The following SP100 variants were observed in gnomAD, a reference collection of about 807,000 sequenced individuals.
SP100 encodes the protein nuclear autoantigen Sp-100.
SP100 carries 84 observed loss-of-function variants against 130.0 expected under a neutral mutation model. The ratio of observed to expected loss-of-function variants is 0.65; its 90% confidence interval spans 0.54 to 0.77. The LOEUF is 0.77. SP100 is among the 30% of genes least tolerant of loss of function. The probability of loss-of-function intolerance (pLI) is 0.00; values close to 1 mark genes in which losing one functional copy is unlikely to be tolerated. For synonymous variants in SP100, 331 were observed against 351.7 expected, an observed-to-expected ratio of 0.94 and a Z score of 0.66; for missense variants, 978 against 1,052.2, an observed-to-expected ratio of 0.93 and a Z score of 0.97.
intron 8 of SP100, among the ~76,000 whole-genome samples, chr2:230,452,958 G>T (rs2064084231): frequency 6.6e-6 from 1 of 151,780 alleles, no homozygotes; most frequent in African/African-American, 2.4e-5. Context: ...AATTGTTCTG[G>T]CTAGGACTTG....
At chr2:230,525,787 C>T (rs1691392809) in intron 24 of SP100, among the ~76,000 whole-genome samples, 1 of 152,256 alleles carries the variant, frequency 6.6e-6, no homozygotes, top group Admixed American at 6.5e-5. Flanking sequence ...CAGAGCCTTG[C>T]TCACTGCTAG....
At position 230,473,187 on chromosome 2, in the gene SP100, A is replaced by G. The variant is rs555657546; in HGVS notation, c.1430-137A>G. On this transcript the variant is annotated intron_variant, in intron 15 of 28. Transcript: ENST00000340126. ...GGGAAAAATACAGTGAGGAACCACA[A>G]AAGAAAAAGAGATTTCAGATGTAGA... The G allele has an allele frequency of 5.4e-5, 31 of 578,590 alleles. No homozygotes were observed. The East Asian group carries it at 7.6e-4, about 14-fold the overall frequency. The allele number at this position is 578,590 out of a possible 1,614,324, so 35.8% of individuals were successfully genotyped here.
At chr2:230,484,401 T>C (rs917517988) in intron 17 of SP100, among the ~76,000 whole-genome samples, 2 of 152,252 alleles carry the variant, frequency 1.3e-5, no homozygotes, top group Non-Finnish European at 2.9e-5. Context: ...GTGTGCCAAT[T>C]AGCTTTACTC....
intron 11 of SP100, 49 bp downstream of exon 11, chr2:230,464,199 A>C: frequency 8.9e-7 from 1 of 1,128,306 alleles, no homozygotes; most frequent in Non-Finnish European, 1.4e-6. Flanking sequence ...TCCAGAGTAC[A>C]AATCCAGAGC....
In SP100 at chr2:230,416,345, C is replaced by T. The variant is rs1409436402; in HGVS notation, c.32+17C>T. ...GAGCACCAGGTGAGTCTTTATCTCC[C>T]TTCCTTTAACCTTTATCTCTGGCTA... On this transcript the variant is annotated intron_variant, in intron 1 of 28. Coordinates refer to ENST00000340126, the MANE Select transcript of SP100 (RefSeq NM_001080391.2). 6.2e-7 allele frequency: 1 copy of T among 1,609,986 alleles called. No homozygotes were observed. The highest frequency in any genetic ancestry group is 8.5e-7 in the Non-Finnish European group (1 of 1,176,420).
intron 8 of SP100, among the ~76,000 whole-genome samples, chr2:230,458,967 T>G (rs997801125): frequency 2.6e-5 from 4 of 151,728 alleles, no homozygotes; most frequent in Non-Finnish European, 4.4e-5. Context: ...TGGCACGAGG[T>G]GAGGCAGGGA....
intron 24 of SP100, chr2:230,515,661 TTTC>T (rs1476044602): frequency 3.4e-5 from 54 of 1,586,772 alleles, no homozygotes; most frequent in Non-Finnish European, 4.6e-5. Flanking sequence ...GTGCAGTTTT[TTTC>T]TTGTCTATAA....
At chr2:230,421,348 G>C (rs114237457) in intron 2 of SP100, among the ~76,000 whole-genome samples, 303 of 152,206 alleles carry the variant, frequency 2.0e-3, no homozygotes, top group Non-Finnish European at 3.5e-3. Context: ...GTTCTGGTTA[G>C]TTTCAGCTTC....
chr2:230,467,790 T>C (rs1158720990), intron 13 of SP100, among the ~76,000 whole-genome samples: 1 of 152,236 alleles, frequency 6.6e-6, no homozygotes, highest in African/African-American at 2.4e-5. Context: ...GCCAGACCTA[T>C]TAACTCCAAA....
At chr2:230,541,470 G>A in intron 27 of SP100, 98 bp downstream of exon 27, 1 of 1,024,476 alleles carries the variant, frequency 9.8e-7, no homozygotes, top group South Asian at 1.4e-5. Flanking sequence ...GCTTGTTGAT[G>A]AGTTTTTAGT....
chr2:230,460,088 G>T (rs1386963204), intron 8 of SP100, among the ~76,000 whole-genome samples: 2 of 152,014 alleles, frequency 1.3e-5, no homozygotes, highest in East Asian at 3.9e-4. Context: ...AAACAGTTTG[G>T]GGTAATCTTC....
At chr2:230,496,329 T>G (rs1256493973) in intron 18 of SP100, among the ~76,000 whole-genome samples, 1 of 152,348 alleles carries the variant, frequency 6.6e-6, no homozygotes, top group South Asian at 2.1e-4. Context: ...TCTCATTTAA[T>G]ATTAAAAAGC....
At chr2:230,530,202 A>G (rs957047096) in intron 24 of SP100, among the ~76,000 whole-genome samples, 8 of 152,336 alleles carry the variant, frequency 5.3e-5, no homozygotes, top group Admixed American at 3.3e-4. Flanking sequence ...ACAGTAACCA[A>G]AACAGCATGG....
At chr2:230,461,700 G>T (rs1306909518) in intron 9 of SP100, among the ~76,000 whole-genome samples, 4 of 152,100 alleles carry the variant, frequency 2.6e-5, no homozygotes, top group African/African-American at 4.8e-5. Context: ...TGTAACCCCA[G>T]AACTTTGTGA....
At chr2:230,483,277 G>C (rs2065914956) in intron 17 of SP100, among the ~76,000 whole-genome samples, 1 of 152,152 alleles carries the variant, frequency 6.6e-6, no homozygotes, top group Non-Finnish European at 1.5e-5. Flanking sequence ...GGAGAGCCTT[G>C]CTAACAAGCT....
rs762248972 is a variant in SP100 at position 230,515,183 on chromosome 2, C to T, written c.2094+4017C>T. On this transcript the variant is annotated intron_variant, in intron 24 of 28. Transcript: ENST00000340126. ...TCAGAGACATGGAAGACCATTTTTG[C>T]TAAAGAGAAAGGAAAATTTGAAGAT... is the stretch of plus-strand genomic sequence containing the variant. 16 of 1,612,834 alleles carry T rather than the reference C, an allele frequency of 9.9e-6. No individual in the cohort carries two copies. In the African/African-American group the frequency reaches 1.6e-4, roughly 16 times the overall value.
intron 8 of SP100, among the ~76,000 whole-genome samples, chr2:230,453,598 A>T (rs944331688): frequency 6.6e-6 from 1 of 152,122 alleles, no homozygotes; most frequent in African/African-American, 2.4e-5. Context: ...TCATTCTATT[A>T]ATGTGGTGTA....
rs771614979 is a variant in SP100, at chr2:230,467,118, AG to A, written c.1196-1del. The stretch of plus-strand genomic sequence containing the variant: ...CCAAAGGACATTTGCTCCTTTCTGC[AG>A]TGATAGGACAAGACCACGACTTTTC... On this transcript the variant is annotated splice_acceptor_variant, in intron 12 of 28. Coordinates refer to ENST00000340126, the MANE Select transcript of SP100 (RefSeq NM_001080391.2). LOFTEE classifies it high-confidence loss of function. The A allele has an allele frequency of 6.2e-7, 1 of 1,608,870 alleles. No individual in the cohort carries two copies. Among genetic ancestry groups the A allele is most frequent in the South Asian group, 1.1e-5 (1 of 90,972 alleles).
chr2:230,423,161 G>A (rs1342545811), intron 2 of SP100, among the ~76,000 whole-genome samples: 1 of 152,184 alleles, frequency 6.6e-6, no homozygotes, highest in African/African-American at 2.4e-5. Flanking sequence ...GCAGATTAGT[G>A]AAGCTCTGGA....
Sources: allele counts gnomAD v4.1 joint callset (sites outside exome capture counted in the v4.1 genomes callset), GRCh38; gene constraint gnomAD v4.1.1; transcripts MANE v1.5; gene names NCBI Gene and HGNC (gene_info 2026-07-23, HGNC 2026-07-21).